CACNB2: variants seen among roughly 807,000 people sequenced by gnomAD.
CACNB2 encodes the protein calcium voltage-gated channel auxiliary subunit beta 2.
A neutral mutation model predicts 73.3 loss-of-function variants in CACNB2; 42 were observed. That is an observed-to-expected ratio of 0.57 (90% CI 0.45 to 0.74). The LOEUF is 0.74. Ranked by LOEUF, CACNB2 falls within the 30% of genes least tolerant of loss-of-function variation. CACNB2 has a pLI of 0.00. For synonymous variants in CACNB2, 348 were observed against 310.3 expected (o/e 1.12, Z -1.28); for missense variants, 940 against 853.0 (o/e 1.10, Z -1.27).
intron 2 of CACNB2, among the ~76,000 whole-genome samples, chr10:18,212,027 C>T (rs1450903041): frequency 2.0e-5 from 3 of 152,158 alleles, no homozygotes; most frequent in South Asian, 4.1e-4. Context: ...ACAGCTGTAT[C>T]AACAGGCCCA....
intron 3 of CACNB2, among the ~76,000 whole-genome samples, chr10:18,453,441 C>G (rs1007586579): frequency 1.2e-4 from 18 of 152,192 alleles, no homozygotes; most frequent in African/African-American, 2.4e-4. Flanking sequence ...CTCCCTTGAG[C>G]TCTTTCTGTC....
rs566079960 is a variant in CACNB2, at chr10:18,498,230, C to T, written c.334-125C>T. 6 of 1,134,532 alleles carry T rather than the reference C, an allele frequency of 5.3e-6. No individual in the cohort carries two copies. In the South Asian group the frequency reaches 8.0e-5, roughly 15 times the overall value. The allele number at this position is 1,134,532 out of a possible 1,614,324, so 70.3% of individuals were successfully genotyped here. The stretch of plus-strand genomic sequence containing the variant: ...GAACAAGCTGTTTTGTGATAAAGAA[C>T]CAGTGCAGAGGGGAAACCAACAATG... On this transcript the variant is annotated intron_variant, in intron 3 of 13. Coordinates refer to ENST00000324631, the MANE Select transcript of CACNB2 (RefSeq NM_201596.3).
intron 3 of CACNB2, among the ~76,000 whole-genome samples, chr10:18,430,012 A>T (rs946186870): frequency 2.6e-5 from 4 of 152,064 alleles, no homozygotes; most frequent in Middle Eastern, 3.4e-3. Flanking sequence ...ACTTAGCTCC[A>T]TTGCCAGAAT....
intron 3 of CACNB2, among the ~76,000 whole-genome samples, chr10:18,414,836 A>G (rs918170001): frequency 6.6e-6 from 1 of 152,084 alleles, no homozygotes; most frequent in African/African-American, 2.4e-5. Context: ...AAACACAGCA[A>G]TAAATATGCA....
At chr10:18,252,515 G>T (rs528404597) in intron 2 of CACNB2, among the ~76,000 whole-genome samples, 24 of 152,070 alleles carry the variant, frequency 1.6e-4, no homozygotes, top group Non-Finnish European at 2.1e-4. Flanking sequence ...TCTGCATTTT[G>T]TATTGCCATC....
chr10:18,169,017 T>C (rs943731338), intron 2 of CACNB2, among the ~76,000 whole-genome samples: 2 of 152,198 alleles, frequency 1.3e-5, no homozygotes, highest in Non-Finnish European at 2.9e-5. Context: ...AATCCTCATC[T>C]TATTAAGTAT....
At chr10:18,386,153 G>T (rs1331600027) in intron 2 of CACNB2, among the ~76,000 whole-genome samples, 1 of 152,032 alleles carries the variant, frequency 6.6e-6, no homozygotes, top group African/African-American at 2.4e-5. Context: ...CTTTGATTTT[G>T]CCCTGTTTTA....
chr10:18,304,400 G>T (rs769457019), intron 2 of CACNB2, among the ~76,000 whole-genome samples: 4 of 152,190 alleles, frequency 2.6e-5, no homozygotes, highest in Non-Finnish European at 5.9e-5. Context: ...CTTAAAAAAA[G>T]TATTCAGCAC....
At chr10:18,461,370 C>A (rs2047566309) in intron 3 of CACNB2, among the ~76,000 whole-genome samples, 1 of 152,172 alleles carries the variant, frequency 6.6e-6, no homozygotes, top group African/African-American at 2.4e-5. Flanking sequence ...GGTCAGACCC[C>A]TTTCAAGGCT....
chr10:18,430,382 G>A (rs1489380139), intron 3 of CACNB2, among the ~76,000 whole-genome samples: 1 of 151,962 alleles, frequency 6.6e-6, no homozygotes, highest in East Asian at 1.9e-4. Context: ...TTGCATATCA[G>A]GATTTCTTTT....
rs118136971 is a variant in CACNB2, at chr10:18,300,623, G to A, written c.214-101301G>A. Among the ~76,000 whole-genome samples the A allele has an allele frequency of 2.6e-5, 4 of 152,194 alleles. No individual in the cohort carries two copies. In the East Asian group the frequency reaches 7.7e-4, roughly 29 times the overall value. On this transcript the variant is annotated intron_variant, in intron 2 of 13. Coordinates refer to ENST00000324631, the MANE Select transcript of CACNB2 (RefSeq NM_201596.3). The stretch of plus-strand genomic sequence containing the variant: ...CACCTTTAAAAAATGCAATCTGACG[G>A]GTGAATCACGAGGTCAGGAGTTCAA...
intron 3 of CACNB2, among the ~76,000 whole-genome samples, chr10:18,447,719 A>G (rs540514481): frequency 6.9e-6 from 1 of 144,100 alleles, no homozygotes; most frequent in East Asian, 2.0e-4. Context: ...AGTGACTTTG[A>G]AAAAAAAAAA....
At chr10:18,374,421 G>C (rs2042710280) in intron 2 of CACNB2, among the ~76,000 whole-genome samples, 1 of 152,116 alleles carries the variant, frequency 6.6e-6, no homozygotes, top group African/African-American at 2.4e-5. Context: ...CTGAACCAGA[G>C]GCAATATCAA....
At chr10:18,224,308 C>T (rs1407725956) in intron 2 of CACNB2, 1 of 146,980 alleles carries the variant, frequency 6.8e-6, no homozygotes, top group African/African-American at 2.5e-5. Flanking sequence ...CTTCTCCCTC[C>T]TCTTCCCTCC....
intron 2 of CACNB2, chr10:18,340,828 G>C: frequency 6.2e-7 from 1 of 1,612,178 alleles, no homozygotes; most frequent in Non-Finnish European, 8.5e-7. Flanking sequence ...ATGCTGTTCA[G>C]CAAAGCAAGA....
intron 3 of CACNB2, among the ~76,000 whole-genome samples, chr10:18,414,348 C>T (rs765638592): frequency 6.6e-6 from 1 of 152,204 alleles, no homozygotes. Context: ...AACAAAATTA[C>T]ACATTGCTCT....
At position 18,140,599 on chromosome 10, in the gene CACNB2, G is replaced by A. The variant is rs1185329823; in HGVS notation, c.-138G>A. The stretch of plus-strand genomic sequence containing the variant: ...AGGGCGCCGAGTCCCGGGGCGCTGC[G>A]GGGCGCTGCGCCGAGAACGGCCGGG... On this transcript the variant is annotated 5_prime_UTR_variant, in exon 1 of 14. Coordinates refer to ENST00000324631, the MANE Select transcript of CACNB2 (RefSeq NM_201596.3). 3 of 590,676 alleles carry A rather than the reference G, an allele frequency of 5.1e-6. No individual in the cohort carries two copies. The highest frequency in any genetic ancestry group is 8.0e-6 in the Non-Finnish European group (3 of 372,766). The allele number at this position is 590,676 out of a possible 1,614,324, so 36.6% of individuals were successfully genotyped here.
At chr10:18,538,071 G>GC in intron 12 of CACNB2, 109 bp from the exon 13 acceptor site, 1 of 992,700 alleles carries the variant, frequency 1.0e-6, no homozygotes, top group Non-Finnish European at 1.6e-6. Flanking sequence ...AGAAGCAGGA[G>GC]CAAGTACAAA....
chr10:18,277,366 T>A (rs1275951141), intron 2 of CACNB2, among the ~76,000 whole-genome samples: 1 of 152,246 alleles, frequency 6.6e-6, no homozygotes. Context: ...TTTTCTGAAG[T>A]CTTATGGTCC....
Sources: gnomAD v4.1 joint callset for allele counts (sites outside exome capture counted in the v4.1 genomes callset) on GRCh38, gnomAD v4.1.1 for gene constraint, MANE v1.5 for transcripts, NCBI Gene and HGNC (gene_info 2026-07-23, HGNC 2026-07-21) for gene names.